LINGO1: variants seen among roughly 807,000 people sequenced by gnomAD.
LINGO1 encodes leucine-rich repeat and immunoglobulin-like domain-containing nogo receptor-interacting protein 1.
LINGO1 carries 11 observed loss-of-function variants against 37.3 expected under a neutral mutation model. That is an observed-to-expected ratio of 0.29 (90% CI 0.19 to 0.49). LINGO1 has a LOEUF of 0.49. Among genes scored for constraint, LINGO1 ranks in the 20% least tolerant of loss-of-function variants. The pLI is 0.99. For missense variants in LINGO1, 585 were observed against 878.2 expected, an observed-to-expected ratio of 0.67 and a Z score of 4.22; for synonymous variants, 387 against 403.0, an observed-to-expected ratio of 0.96 and a Z score of 0.48.
At chr15:77,634,766 C>G (rs576387025), upstream of LINGO1, among the ~76,000 whole-genome samples, 8 of 151,988 alleles carry the variant, frequency 5.3e-5, no homozygotes, top group Admixed American at 3.3e-4. Context: ...CCCAGCCCCC[C>G]CACCCCGGCT....
rs199628078 is a variant in LINGO1, at chr15:77,614,736, G to A, written c.1171C>T (p.Arg391Trp). 31 of 1,606,756 alleles carry A rather than the reference G, an allele frequency of 1.9e-5. No homozygotes were observed. Among genetic ancestry groups the A allele is most frequent in the Middle Eastern group, 1.7e-4 (1 of 6,056 alleles). ...FRRRWRLNFN[R>W]QQPTCATPEF... ...GGCGTGGCGCACGTGGGCTGCTGCC[G>A]GTTGAAGTTGAGCCGCCAGCGGCGC... Residue 391 changes from arginine to tryptophan, a missense_variant, in exon 2 of 2, where the codon CGG becomes TGG. Around this residue, in one of 4 missense-constraint regions of LINGO1, gnomAD observed 484 missense variants for 735.0 expected, o/e 0.66. Transcript: ENST00000355300.
upstream of LINGO1, among the ~76,000 whole-genome samples, chr15:77,700,887 C>T (rs1268817078): frequency 1.3e-5 from 2 of 152,186 alleles, no homozygotes; most frequent in African/African-American, 4.8e-5. Context: ...CTGTCTTCCA[C>T]AGGACAACCT....
At chr15:77,621,032 TC>T (rs35812051) in intron 1 of LINGO1, among the ~76,000 whole-genome samples, 2 of 151,398 alleles carry the variant, frequency 1.3e-5, no homozygotes, top group African/African-American at 4.9e-5. Context: ...ACTTGGACAG[TC>T]CCTGCTATGG....
intron 2 of LINGO1, among the ~76,000 whole-genome samples, chr15:77,689,697 G>T (rs535189541): frequency 6.6e-6 from 1 of 152,244 alleles, no homozygotes; most frequent in African/African-American, 2.4e-5. Flanking sequence ...TTCCTACCCC[G>T]ATTTCTTCTC....
At chr15:77,629,403 A>G (rs1409608815) in intron 1 of LINGO1, among the ~76,000 whole-genome samples, 8 of 152,148 alleles carry the variant, frequency 5.3e-5, no homozygotes, top group Admixed American at 4.6e-4. Context: ...CTCTTTCTAC[A>G]AAGAACCTTC....
chr15:77,616,543 G>A lies in LINGO1; in HGVS notation c.7-643C>T, dbSNP rs188639886. ...CCAATGGCACCTGACACTGTTCACG[G>A]GTCTGTCACCCATGGGGTTCCTGGA... On this transcript the variant is annotated intron_variant, in intron 1 of 1. Transcript: ENST00000355300. Among the ~76,000 whole-genome samples the A allele has an allele frequency of 4.6e-5, 7 of 152,322 alleles. No homozygotes were observed. In the East Asian group the frequency reaches 7.7e-4, roughly 17 times the overall value.
At chr15:77,698,968 A>G (rs28400426), upstream of LINGO1, among the ~76,000 whole-genome samples, 62,566 of 151,970 alleles carry the variant, frequency 0.41, 13,703 homozygotes, top group African/African-American at 0.57. Context: ...TGTGCTCAAT[A>G]GGAGGCTACG....
rs140807385 is a variant in LINGO1, at chr15:77,722,242, G to A, written c.-195+12750C>T. 1.2e-3 allele frequency among the ~76,000 whole-genome samples: 181 copies of A among 152,250 alleles called. 1 individual carries two copies. The highest frequency in any genetic ancestry group is 6.8e-3 in the Middle Eastern group (2 of 294). On this transcript the variant is annotated intron_variant, in intron 2 of 3. Transcript: ENST00000561686. ...AGGGAAGACAGCTCACTCGCAGCCC[G>A]TCTCTGAGTACATAACCTGGCTGAG...
At chr15:77,782,913 C>T (rs904648380) in intron 1 of LINGO1, among the ~76,000 whole-genome samples, 2 of 152,152 alleles carry the variant, frequency 1.3e-5, no homozygotes, top group Non-Finnish European at 2.9e-5. Context: ...GAGCACCCCC[C>T]TGCTCCTCAG....
At chr15:77,671,912 C>T (rs764329407) in intron 3 of LINGO1, among the ~76,000 whole-genome samples, 11 of 152,188 alleles carry the variant, frequency 7.2e-5, no homozygotes, top group Non-Finnish European at 1.3e-4. Flanking sequence ...GGTCCTGGCT[C>T]TGAGTGACTG....
At chr15:77,710,079 C>T (rs549175342) in intron 2 of LINGO1, among the ~76,000 whole-genome samples, 4 of 152,302 alleles carry the variant, frequency 2.6e-5, no homozygotes, top group African/African-American at 4.8e-5. Flanking sequence ...AGAGGGTGGC[C>T]GAGGGAAGCT....
rs74825386 is a variant in LINGO1 at position 77,725,281 on chromosome 15, C to G, written c.-195+9711G>C. 7.6e-3 allele frequency among the ~76,000 whole-genome samples: 1,151 copies of G among 152,294 alleles called. 3 individuals are homozygous for G. Among genetic ancestry groups the G allele is most frequent in the Non-Finnish European group, 0.011 (763 of 68,032 alleles). ...ATTTAAATCCATCACCTTGGCTGGG[C>G]GAGGTGGCTCATGCCTATAATCCCA... On this transcript the variant is annotated intron_variant, in intron 2 of 3. Transcript: ENST00000561686.
At chr15:77,755,894 T>C (rs909344417) in intron 1 of LINGO1, among the ~76,000 whole-genome samples, 2 of 152,122 alleles carry the variant, frequency 1.3e-5, no homozygotes, top group African/African-American at 2.4e-5. Context: ...TCCCCTTCAA[T>C]CTTCCAAAGG....
chr15:77,657,854 G>A (rs963120302), intron 3 of LINGO1, among the ~76,000 whole-genome samples: 11 of 152,188 alleles, frequency 7.2e-5, no homozygotes, highest in African/African-American at 2.2e-4. Flanking sequence ...ACAAAGTTGC[G>A]AGTTAAAACA....
intron 1 of LINGO1, among the ~76,000 whole-genome samples, chr15:77,622,777 T>A (rs1346327283): frequency 6.6e-6 from 1 of 152,322 alleles, no homozygotes; most frequent in African/African-American, 2.4e-5. Flanking sequence ...TTTCCTTCTG[T>A]CGCAGCGGCC....
intron 1 of LINGO1, among the ~76,000 whole-genome samples, chr15:77,781,161 T>C (rs1012894506): frequency 6.6e-6 from 1 of 152,238 alleles, no homozygotes; most frequent in Non-Finnish European, 1.5e-5. Context: ...CCCAGATTGA[T>C]GGAACTTTTC....
intron 3 of LINGO1, among the ~76,000 whole-genome samples, chr15:77,673,358 C>A (rs2075280884): frequency 6.6e-6 from 1 of 151,270 alleles, no homozygotes; most frequent in African/African-American, 2.4e-5. Context: ...GAGTTAATTT[C>A]TTTAACCTCT....
chr15:77,631,796 A>G (rs533257460), intron 1 of LINGO1, among the ~76,000 whole-genome samples: 3 of 152,286 alleles, frequency 2.0e-5, no homozygotes, highest in African/African-American at 7.2e-5. Flanking sequence ...ACTGGGCAGG[A>G]GCTGGAAAGG....
At chr15:77,639,774 T>A (rs567884370) in intron 3 of LINGO1, among the ~76,000 whole-genome samples, 1 of 152,294 alleles carries the variant, frequency 6.6e-6, no homozygotes, top group South Asian at 2.1e-4. Context: ...ATAAACTGAA[T>A]ATGGATACCT....
Sources: gnomAD v4.1 joint callset for allele counts (sites outside exome capture counted in the v4.1 genomes callset) on GRCh38, gnomAD v4.1.1 for gene constraint, gnomAD v4.1.1 regional missense constraint, MANE v1.5 for transcripts, NCBI Gene and HGNC (gene_info 2026-07-23, HGNC 2026-07-21) for gene names.